The following SLC5A1 variants were observed in gnomAD, a reference collection of about 807,000 sequenced individuals.
SLC5A1 encodes the protein solute carrier family 5 member 1.
In SLC5A1, 42 loss-of-function variants were observed where a neutral mutation model predicts 73.5. The observed-to-expected ratio is 0.57, with a 90% CI of 0.45 to 0.74. The LOEUF is 0.74. Ranked by LOEUF, SLC5A1 falls within the 30% of genes least tolerant of loss-of-function variation. SLC5A1 has a pLI of 0.00. For missense variants in SLC5A1, 634 were observed against 855.4 expected (o/e 0.74, Z 3.23); for synonymous variants, 300 against 317.4 (o/e 0.95, Z 0.58).
At chr22:32,102,279 C>A in intron 13 of SLC5A1, 42 bp downstream of exon 13, 4 of 1,425,892 alleles carry the variant, frequency 2.8e-6, no homozygotes, top group South Asian at 1.1e-5. Flanking sequence ...TTCATGTTCA[C>A]ACTGCAATGT....
Position 32,110,229 on chromosome 22 carries a change from G to A in SLC5A1, c.*16G>A, listed in dbSNP as rs764424444. On this transcript the variant is annotated 3_prime_UTR_variant, in exon 15 of 15. Transcript: ENST00000266088. ...TTTTGCCTGAGTCCTACCTTTTGCT[G>A]TAGATTTACCATGGCTGGACTCTTA... The A allele has an allele frequency of 1.3e-6, 2 of 1,568,782 alleles. No homozygotes were observed. Among genetic ancestry groups the A allele is most frequent in the African/African-American group, 1.3e-5 (1 of 74,190 alleles).
rs549409652 is a variant in SLC5A1, at chr22:32,063,745, T to C, written c.208-3190T>C. 2.0e-5 allele frequency among the ~76,000 whole-genome samples: 3 copies of C among 152,056 alleles called. No individual in the cohort carries two copies. In the East Asian group the frequency reaches 5.8e-4, roughly 29 times the overall value. On this transcript the variant is annotated intron_variant, in intron 2 of 14. Coordinates refer to ENST00000266088, the MANE Select transcript of SLC5A1 (RefSeq NM_000343.4). ...GCTACTTGGTCCTGTTGAGAGATAG[T>C]GACAGGCAGCACAAGGGCTATCTAG...
intron 8 of SLC5A1, 28 bp downstream of exon 8, chr22:32,084,687 C>T: frequency 6.3e-7 from 1 of 1,594,464 alleles, no homozygotes; most frequent in Non-Finnish European, 8.6e-7. Flanking sequence ...GCGGGATGGA[C>T]AGAGTCTTCT....
At chr22:32,107,082 T>C (rs909387779) in intron 14 of SLC5A1, among the ~76,000 whole-genome samples, 1 of 152,194 alleles carries the variant, frequency 6.6e-6, no homozygotes. Context: ...TACCTTTCAA[T>C]TCTAAAACTT....
intron 10 of SLC5A1, among the ~76,000 whole-genome samples, chr22:32,088,910 T>G (rs1249802731): frequency 1.3e-5 from 2 of 152,242 alleles, no homozygotes; most frequent in African/African-American, 4.8e-5. Context: ...CCAACTTGTG[T>G]CTATTTTGTC....
At chr22:32,082,932 G>T in intron 6 of SLC5A1, 142 bp from the exon 7 acceptor site, 1 of 728,516 alleles carries the variant, frequency 1.4e-6, no homozygotes, top group East Asian at 2.7e-5. Context: ...GACAAGGGAG[G>T]GAAGGAAGGA....
At chr22:32,093,546 CT>C (rs1385251934) in intron 11 of SLC5A1, among the ~76,000 whole-genome samples, 1 of 149,424 alleles carries the variant, frequency 6.7e-6, no homozygotes, top group Non-Finnish European at 1.5e-5. Context: ...ATTCCTAAGT[CT>C]TTTTTCCTTT....
intron 1 of SLC5A1, among the ~76,000 whole-genome samples, chr22:32,046,539 C>A (rs2093937411): frequency 6.6e-6 from 1 of 152,182 alleles, no homozygotes; most frequent in Non-Finnish European, 1.5e-5. Context: ...GCTCTGGGCT[C>A]AGACGCGATG....
At chr22:32,101,864 C>T (rs1468221834) in intron 12 of SLC5A1, among the ~76,000 whole-genome samples, 158 bp from the exon 13 acceptor site, 1 of 152,134 alleles carries the variant, frequency 6.6e-6, no homozygotes, top group Admixed American at 6.5e-5. Flanking sequence ...CACTCCTAGC[C>T]ATATTCTGAA....
intron 5 of SLC5A1, among the ~76,000 whole-genome samples, chr22:32,073,465 C>T (rs117517889): frequency 0.044 from 6,709 of 152,262 alleles, 201 homozygotes; most frequent in Non-Finnish European, 0.069. Context: ...CTTCTGCCCT[C>T]GACCCATGCC....
chr22:32,098,919 C>A (rs2094030746), intron 11 of SLC5A1, among the ~76,000 whole-genome samples: 1 of 151,068 alleles, frequency 6.6e-6, no homozygotes, highest in South Asian at 2.1e-4. Context: ...ACCGTCTCTA[C>A]TAAAAAAATA....
chr22:32,048,907 TA>T (rs1277622176), intron 1 of SLC5A1, among the ~76,000 whole-genome samples: 3 of 151,792 alleles, frequency 2.0e-5, no homozygotes, highest in East Asian at 1.9e-4. Context: ...CAGTCTCTAC[TA>T]AAAATACAAA....
chr22:32,086,132 C>T (rs2149492789), intron 9 of SLC5A1, 88 bp from the exon 10 acceptor site: 1 of 824,216 alleles, frequency 1.2e-6, no homozygotes, highest in Non-Finnish European at 2.1e-6. Flanking sequence ...CAGAGTGAGA[C>T]TCCGTCTCAA....
At chr22:32,091,016 T>C (rs891037221) in intron 10 of SLC5A1, among the ~76,000 whole-genome samples, 9 of 152,176 alleles carry the variant, frequency 5.9e-5, no homozygotes, top group African/African-American at 1.7e-4. Flanking sequence ...CATGTCATTA[T>C]TGGCTATTTG....
chr22:32,105,129 T>G (rs190305899), intron 14 of SLC5A1, among the ~76,000 whole-genome samples: 16 of 152,058 alleles, frequency 1.1e-4, no homozygotes, highest in African/African-American at 3.1e-4. Flanking sequence ...TTTAAAAAAT[T>G]TTTGTGAGTA....
chr22:32,067,082 C>G (rs761979084), intron 3 of SLC5A1, 43 bp downstream of exon 3: 13 of 1,435,096 alleles, frequency 9.1e-6, no homozygotes, highest in Non-Finnish European at 4.9e-6. Context: ...CTGGAAGGAG[C>G]CTTAGCAGTC....
intron 13 of SLC5A1, among the ~76,000 whole-genome samples, chr22:32,104,502 C>T (rs915868009): frequency 6.6e-6 from 1 of 152,198 alleles, no homozygotes; most frequent in African/African-American, 2.4e-5. Flanking sequence ...ATCACACACA[C>T]ACGTAAAAGA....
chr22:32,051,662 C>G (rs896948024), intron 2 of SLC5A1, among the ~76,000 whole-genome samples: 1 of 151,964 alleles, frequency 6.6e-6, no homozygotes, highest in African/African-American at 2.4e-5. Flanking sequence ...TTTCAAACAA[C>G]AACAACAACA....
chr22:32,107,208 A>G (rs2094047823), intron 14 of SLC5A1, among the ~76,000 whole-genome samples: 1 of 152,126 alleles, frequency 6.6e-6, no homozygotes, highest in South Asian at 2.1e-4. Flanking sequence ...TACTTCTCCT[A>G]CCTCCAAAAA....
Sources: allele counts gnomAD v4.1 joint callset (sites outside exome capture counted in the v4.1 genomes callset), GRCh38; gene constraint gnomAD v4.1.1; transcripts MANE v1.5; gene names NCBI Gene and HGNC (gene_info 2026-07-23, HGNC 2026-07-21).